The following ST14 variants were observed in gnomAD, a reference collection of about 807,000 sequenced individuals.
The protein encoded by ST14 is suppressor of tumorigenicity 14 protein.
In ST14, 40 loss-of-function variants were observed where a neutral mutation model predicts 96.5. That is an observed-to-expected ratio of 0.41 (90% CI 0.32 to 0.54). ST14 has a LOEUF of 0.54. Ranked by LOEUF, ST14 falls within the 20% of genes least tolerant of loss-of-function variation. The probability of loss-of-function intolerance (pLI) is 0.17; values close to 1 mark genes in which losing one functional copy is unlikely to be tolerated. For synonymous variants in ST14, 506 were observed against 492.1 expected (o/e 1.03, Z -0.37); for missense variants, 1,066 against 1,188.9 (o/e 0.90, Z 1.52).
At chr11:130,205,701 T>G (rs1427283246) in intron 16 of ST14, among the ~76,000 whole-genome samples, 2 of 77,704 alleles carry the variant, frequency 2.6e-5, no homozygotes, top group Admixed American at 1.5e-4. Flanking sequence ...CTTTAGACGT[T>G]TTTTTTTTTG....
intron 1 of ST14, among the ~76,000 whole-genome samples, chr11:130,180,335 C>T (rs528175830): frequency 6.6e-6 from 1 of 152,312 alleles, no homozygotes; most frequent in African/African-American, 2.4e-5. Context: ...CAGGTTCAGC[C>T]GCTTCCTTCC....
At chr11:130,207,735 A>G (rs1953503265) in intron 16 of ST14, among the ~76,000 whole-genome samples, 1 of 152,050 alleles carries the variant, frequency 6.6e-6, no homozygotes, top group Non-Finnish European at 1.5e-5. Context: ...AACACAACAT[A>G]TTTTTCAATT....
chr11:130,178,932 C>T (rs1953165666), intron 1 of ST14, among the ~76,000 whole-genome samples: 1 of 152,148 alleles, frequency 6.6e-6, no homozygotes. Context: ...AAAGTGATAG[C>T]CTCAGGGACT....
chr11:130,176,788 CTTTTTTTTTTT>C (rs56764956), intron 1 of ST14, among the ~76,000 whole-genome samples: 3,166 of 59,336 alleles, frequency 0.053, 145 homozygotes, highest in African/African-American at 0.19. Context: ...TAGGGCTTAA[CTTTTTTTTTTT>C]TTTTTTTTTT....
intron 16 of ST14, among the ~76,000 whole-genome samples, chr11:130,207,035 T>A (rs901447974): frequency 5.9e-5 from 9 of 152,200 alleles, no homozygotes; most frequent in African/African-American, 2.2e-4. Context: ...GTTCTTATTG[T>A]CCTAACTTTA....
At chr11:130,165,245 A>G (rs1953032179) in intron 1 of ST14, among the ~76,000 whole-genome samples, 1 of 152,208 alleles carries the variant, frequency 6.6e-6, no homozygotes, top group East Asian at 1.9e-4. Context: ...CTAAAGGTTG[A>G]CAATTCATCA....
chr11:130,199,075 C>T lies in ST14; in HGVS notation c.1807+6C>T, dbSNP rs745674144. 2.5e-6 allele frequency: 4 copies of T among 1,612,768 alleles called. No individual in the cohort carries two copies. Among genetic ancestry groups the T allele is most frequent in the Non-Finnish European group, 2.5e-6 (3 of 1,179,524 alleles). On this transcript the variant is annotated splice_donor_region_variant and intron_variant, in intron 15 of 18. Transcript: ENST00000278742. Reference sequence around the variant, plus strand: ...CTCAGATGAGAAGGACTGCGGTGAGCAGGGCATCCGAGTACGGTTGTGCAG... The same window carrying T: ...CTCAGATGAGAAGGACTGCGGTGAGTAGGGCATCCGAGTACGGTTGTGCAG...
intron 16 of ST14, among the ~76,000 whole-genome samples, chr11:130,205,707 T>G (rs1953479325): frequency 1.1e-5 from 1 of 91,962 alleles, no homozygotes; most frequent in Non-Finnish European, 2.5e-5. Flanking sequence ...ACGTTTTTTT[T>G]TTTGTTTTTT....
chr11:130,188,855 C>T lies in ST14; in HGVS notation c.370-14C>T. 6.2e-7 allele frequency: 1 copy of T among 1,612,292 alleles called. No homozygotes were observed. Among genetic ancestry groups the T allele is most frequent in the Non-Finnish European group, 8.5e-7 (1 of 1,179,362 alleles). On this transcript the variant is annotated splice_polypyrimidine_tract_variant and intron_variant, in intron 3 of 18. Transcript: ENST00000278742. The surrounding 1 kb of genome is among the most constrained non-coding windows in gnomAD (Gnocchi z 5.4). ...GCCGCATGGGGCTCACCTTGAGTCT[C>T]TGCCCTTCCTCAGCTGAAGCTGCTG...
chr11:130,209,215 G>A lies in ST14; in HGVS notation c.2270-227G>A, dbSNP rs73038990. 2.1e-3 allele frequency among the ~76,000 whole-genome samples: 322 copies of A among 152,140 alleles called. 1 individual carries two copies. The highest frequency in any genetic ancestry group is 3.4e-3 in the Non-Finnish European group (232 of 67,996). On this transcript the variant is annotated intron_variant, in intron 17 of 18. Coordinates refer to ENST00000278742, the MANE Select transcript of ST14 (RefSeq NM_021978.4). ...TTGTTCCCTCACCCCTGCTTGCCAC[G>A]GCGTCTGTTCCCTCTCAACTCGCCT... is the stretch of plus-strand genomic sequence containing the variant.
chr11:130,168,500 A>G (rs530721080), intron 1 of ST14, among the ~76,000 whole-genome samples: 8 of 152,286 alleles, frequency 5.3e-5, no homozygotes, highest in Admixed American at 5.2e-4. Flanking sequence ...TTGCAGTGCT[A>G]ATTAGTGCAG....
rs199625918 is a variant in ST14 at position 130,208,551 on chromosome 11, C to T, written c.2136C>T (p.Ile712=). 91 of 1,614,120 alleles carry T rather than the reference C, an allele frequency of 5.6e-5. No homozygotes were observed. Among genetic ancestry groups the T allele is most frequent in the Non-Finnish European group, 7.1e-5 (84 of 1,180,046 alleles). ...ATGACTTCACCTTCGACTATGACAT[C>T]GCGCTGCTGGAGCTGGAGAAACCGG... The part of the protein sequence containing the change: ...FFNDFTFDYD[I]ALLELEKPAE... Residue 712 remains isoleucine, a synonymous_variant, in exon 17 of 19, where the codon ATC becomes ATT. Coordinates refer to ENST00000278742, the MANE Select transcript of ST14 (RefSeq NM_021978.4).
intron 7 of ST14, among the ~76,000 whole-genome samples, chr11:130,193,690 G>C (rs1436480559): frequency 6.6e-6 from 1 of 152,124 alleles, no homozygotes; most frequent in Non-Finnish European, 1.5e-5. Flanking sequence ...GGCCGGTCTC[G>C]AACTCCTGAC....
chr11:130,172,536 GC>G (rs986831107), intron 1 of ST14, among the ~76,000 whole-genome samples: 1 of 149,916 alleles, frequency 6.7e-6, no homozygotes, highest in African/African-American at 2.5e-5. Context: ...TCCTGCCTCA[GC>G]CTCCCCAGTA....
intron 16 of ST14, among the ~76,000 whole-genome samples, chr11:130,202,297 G>C (rs887778823): frequency 2.0e-5 from 3 of 152,190 alleles, no homozygotes; most frequent in African/African-American, 7.2e-5. Flanking sequence ...CAACACCCCT[G>C]GTTACTATTG....
chr11:130,205,042 A>G (rs1953471883), intron 16 of ST14, among the ~76,000 whole-genome samples: 1 of 152,110 alleles, frequency 6.6e-6, no homozygotes, highest in Admixed American at 6.5e-5. Context: ...TATTTTAAAT[A>G]TGTATTTTTC....
Position 130,198,317 on chromosome 11 carries a change from C to G in ST14, c.1469C>G (p.Ala490Gly). The change falls in exon 13 of 19, where the codon GCC becomes GGC. Residue 490 changes from alanine (A) to glycine (G), a missense_variant. By Grantham distance (60) the Ala-to-Gly change is moderately conservative. Transcript: ENST00000278742. The part of the protein sequence containing the change: ...HSDELNCSCD[A>G]GHQFTCKNKF... ...CCTTACCCCACTCCAGGTTGCGACG[C>G]CGGCCACCAGTTCACGTGCAAGAAC... 1 of 1,614,128 alleles carries G rather than the reference C, an allele frequency of 6.2e-7. No homozygotes were observed. The highest frequency in any genetic ancestry group is 1.1e-5 in the South Asian group (1 of 91,084).
chr11:130,177,849 T>C (rs1192650613), intron 1 of ST14, among the ~76,000 whole-genome samples: 1 of 152,276 alleles, frequency 6.6e-6, no homozygotes. Context: ...GCTTTCGCCT[T>C]AGCATCGACT....
chr11:130,200,578 G>A lies in ST14; in HGVS notation c.1994+441G>A, dbSNP rs547271835. 1.3e-3 allele frequency among the ~76,000 whole-genome samples: 196 copies of A among 152,248 alleles called. 1 individual carries two copies. The highest frequency in any genetic ancestry group is 2.3e-3 in the Non-Finnish European group (155 of 68,010). On this transcript the variant is annotated intron_variant, in intron 16 of 18. Transcript: ENST00000278742. Reference sequence around the variant, plus strand: ...CCGTGACCAAAACACCTCCTACCACGCCCCACCTCCAACACTGGGGATCCC... The same window carrying A: ...CCGTGACCAAAACACCTCCTACCACACCCCACCTCCAACACTGGGGATCCC...
Sources: allele counts gnomAD v4.1 joint callset (sites outside exome capture counted in the v4.1 genomes callset), GRCh38; gene constraint gnomAD v4.1.1; non-coding constraint Gnocchi (gnomAD v3.1); transcripts MANE v1.5; gene names NCBI Gene and HGNC (gene_info 2026-07-23, HGNC 2026-07-21).